FEZ2: variants seen among roughly 807,000 people sequenced by gnomAD.
FEZ2 encodes the protein fasciculation and elongation protein zeta-2.
FEZ2 carries 51 observed loss-of-function variants against 40.4 expected under a neutral mutation model. That is an observed-to-expected ratio of 1.26 (90% CI 1.01 to 1.59). The LOEUF is 1.59. Ranked by LOEUF, FEZ2 falls within the 40% of genes most tolerant of loss-of-function variation. FEZ2 has a pLI of 0.00. For synonymous variants in FEZ2, 242 were observed against 172.0 expected, an observed-to-expected ratio of 1.41 and a Z score of -3.18; for missense variants, 640 against 438.3, an observed-to-expected ratio of 1.46 and a Z score of -4.11.
At position 36,578,847 on chromosome 2, in the gene FEZ2, ACT is replaced by A. The variant is rs1429900745; in HGVS notation, c.651_652del (p.Ser219Ter). On this transcript the variant is annotated frameshift_variant, in exon 5 of 8. Transcript: ENST00000405912. LOFTEE classifies it high-confidence loss of function. ...TTCCAGGATTTCATTTAACTCAGAC[ACT>A]GAGAGCCTTTTCACTCCTGTGACCA... The A allele has an allele frequency of 1.9e-6, 3 of 1,610,298 alleles. No individual in the cohort carries two copies. Among genetic ancestry groups the A allele is most frequent in the East Asian group, 4.5e-5 (2 of 44,880 alleles).
rs575031445 is a variant in FEZ2 at position 36,589,299 on chromosome 2, G to A, written c.375+1604C>T. Among the ~76,000 whole-genome samples the A allele has an allele frequency of 3.9e-4, 59 of 152,286 alleles. 1 individual carries two copies. In the South Asian group the frequency reaches 0.01, roughly 26 times the overall value. On this transcript the variant is annotated intron_variant, in intron 2 of 7. Coordinates refer to ENST00000405912, the MANE Select transcript of FEZ2 (RefSeq NM_005102.3). ...CCATGAGACAGCAAGGCTAAACCCCGTGGCACAGATAACAAGTCCTTTCAA... is the reference window on the plus strand; with the variant it reads ...CCATGAGACAGCAAGGCTAAACCCCATGGCACAGATAACAAGTCCTTTCAA...
intron 2 of FEZ2, 44 bp downstream of exon 2, chr2:36,590,859 C>G: frequency 9.4e-7 from 1 of 1,058,308 alleles, no homozygotes; most frequent in Non-Finnish European, 1.5e-6. Context: ...GTTCTATTAT[C>G]AGCATCAGTT....
intron 4 of FEZ2, among the ~76,000 whole-genome samples, chr2:36,579,354 T>C (rs1221893392): frequency 6.6e-6 from 1 of 152,222 alleles, no homozygotes; most frequent in Non-Finnish European, 1.5e-5. Flanking sequence ...TCTGTGAATT[T>C]TGTTGAAATT....
At chr2:36,569,158 T>C (rs1364750183) in intron 5 of FEZ2, among the ~76,000 whole-genome samples, 1 of 152,226 alleles carries the variant, frequency 6.6e-6, no homozygotes, top group Admixed American at 6.5e-5. Context: ...TATAGAGTTG[T>C]TGTGAAGGTT....
Position 36,594,429 on chromosome 2 carries a change from G to A in FEZ2, c.267-3418C>T, listed in dbSNP as rs149269741. 621 of 189,956 alleles carry A rather than the reference G, an allele frequency of 3.3e-3. 26 individuals carry two copies. The East Asian group carries it at 0.091, about 28-fold the overall frequency. 11.8% of individuals were successfully genotyped at this position (189,956 alleles called of 1,614,324 possible). On this transcript the variant is annotated intron_variant, in intron 1 of 7. Coordinates refer to ENST00000405912, the MANE Select transcript of FEZ2 (RefSeq NM_005102.3). The stretch of plus-strand genomic sequence containing the variant: ...TTGGACTTACAGTTCCACATGGCTG[G>A]GGAGGCCTCAGAATCATGGCAGGAG...
chr2:36,594,979 G>C (rs977523346), intron 1 of FEZ2, among the ~76,000 whole-genome samples: 3 of 152,218 alleles, frequency 2.0e-5, no homozygotes, highest in African/African-American at 7.2e-5. Context: ...CTGCAGTCAA[G>C]ACATATGAAC....
At chr2:36,584,761 G>C (rs556618112) in intron 2 of FEZ2, among the ~76,000 whole-genome samples, 23 of 152,308 alleles carry the variant, frequency 1.5e-4, no homozygotes, top group African/African-American at 5.5e-4. Context: ...AATGGATGTA[G>C]GTTCCTACTG....
chr2:36,576,590 G>A (rs1426682795), intron 5 of FEZ2, among the ~76,000 whole-genome samples: 1 of 152,178 alleles, frequency 6.6e-6, no homozygotes, highest in Non-Finnish European at 1.5e-5. Context: ...GCTTTAAAAG[G>A]ATACAGGAAA....
At chr2:36,565,219 C>T (rs544144901) in intron 5 of FEZ2, among the ~76,000 whole-genome samples, 1 of 152,300 alleles carries the variant, frequency 6.6e-6, no homozygotes, top group East Asian at 1.9e-4. Flanking sequence ...TACATGAAAT[C>T]GCTGCAACAG....
intron 7 of FEZ2, among the ~76,000 whole-genome samples, chr2:36,553,629 G>A (rs1667879738): frequency 6.6e-6 from 1 of 152,146 alleles, no homozygotes; most frequent in Admixed American, 6.5e-5. Context: ...GCTGCAGTGG[G>A]GTCATTAGGC....
intron 5 of FEZ2, chr2:36,559,166 G>C (rs988318047): frequency 6.6e-6 from 1 of 152,176 alleles, no homozygotes; most frequent in Non-Finnish European, 1.5e-5. Flanking sequence ...AAGGGGAAAT[G>C]AATAATGAAA....
chr2:36,565,099 G>A (rs1012594705), intron 5 of FEZ2, among the ~76,000 whole-genome samples: 2 of 152,278 alleles, frequency 1.3e-5, no homozygotes, highest in African/African-American at 4.8e-5. Flanking sequence ...TCAATGACCT[G>A]ACCCTAACTC....
At position 36,555,917 on chromosome 2, in the gene FEZ2, A is replaced by ATG. The variant is rs1558439428; in HGVS notation, c.980-170_980-169insCA. On this transcript the variant is annotated intron_variant, in intron 6 of 7. Transcript: ENST00000405912. ...GGGGATACAACAATAAAGGCCCAAT[A>ATG]ATTTATTTTAGTGGAGTAAGTCCAC... 4.4e-6 allele frequency: 3 copies of ATG among 677,578 alleles called. No homozygotes were observed. In the East Asian group the frequency reaches 8.4e-5, roughly 19 times the overall value. 42.0% of individuals were successfully genotyped at this position (677,578 alleles called of 1,614,324 possible).
At chr2:36,595,823 C>A (rs565575299) in intron 1 of FEZ2, among the ~76,000 whole-genome samples, 29 of 152,256 alleles carry the variant, frequency 1.9e-4, no homozygotes, top group Admixed American at 2.6e-4. Flanking sequence ...GCATTACCAC[C>A]AACATATCAT....
intron 5 of FEZ2, 163 bp from the exon 6 acceptor site, chr2:36,558,676 A>G: frequency 2.4e-6 from 1 of 413,666 alleles, no homozygotes; most frequent in Admixed American, 4.1e-5. Flanking sequence ...TTACTATCTC[A>G]GATGGAGCTC....
intron 7 of FEZ2, chr2:36,555,429 T>C (rs1309380934): frequency 3.4e-6 from 1 of 293,356 alleles, no homozygotes; most frequent in South Asian, 1.5e-4. Context: ...TTTCTTCTAC[T>C]ACCTCTCTTG....
intron 1 of FEZ2, among the ~76,000 whole-genome samples, chr2:36,596,891 C>T (rs1297116501): frequency 1.3e-5 from 2 of 152,266 alleles, no homozygotes; most frequent in East Asian, 3.9e-4. Context: ...AACCATGGTA[C>T]CTAATTACAA....
intron 5 of FEZ2, among the ~76,000 whole-genome samples, chr2:36,575,772 G>C (rs558137228): frequency 6.6e-6 from 1 of 151,696 alleles, no homozygotes; most frequent in East Asian, 1.9e-4. Context: ...GTTTAACTCT[G>C]CTCTATACCC....
In FEZ2 at chr2:36,583,393, A is replaced by T; in HGVS notation, c.452T>A (p.Val151Asp). 3 of 1,606,382 alleles carry T rather than the reference A, an allele frequency of 1.9e-6. No homozygotes were observed. Among genetic ancestry groups the T allele is most frequent in the Non-Finnish European group, 2.6e-6 (3 of 1,173,018 alleles). ...GAGGGGTTCATCATTAACACAGGAGACGATGATTGAGTGCATATCCAGCTG... is the reference window on the plus strand; with the variant it reads ...GAGGGGTTCATCATTAACACAGGAGTCGATGATTGAGTGCATATCCAGCTG... ...REQLDMHSIIVSCVNDEPLFT... is the reference protein window; with the variant it reads ...REQLDMHSIIDSCVNDEPLFT... Residue 151 changes from valine (V) to aspartate (D), a missense_variant, in exon 3 of 8, where the codon GTC (valine) becomes GAC (aspartate). Coordinates refer to ENST00000405912, the MANE Select transcript of FEZ2 (RefSeq NM_005102.3).
Sources: gnomAD v4.1 joint callset for allele counts (sites outside exome capture counted in the v4.1 genomes callset) on GRCh38, gnomAD v4.1.1 for gene constraint, MANE v1.5 for transcripts, NCBI Gene and HGNC (gene_info 2026-07-23, HGNC 2026-07-21) for gene names.